The following TRIM3 variants were observed in gnomAD, a reference collection of about 807,000 sequenced individuals.
TRIM3 encodes the protein tripartite motif-containing protein 3.
In TRIM3, 13 loss-of-function variants were observed where a neutral mutation model predicts 66.6. The observed-to-expected ratio is 0.20, with a 90% CI of 0.13 to 0.31. TRIM3 has a LOEUF of 0.31. Ranked by LOEUF, TRIM3 falls within the 10% of genes least tolerant of loss-of-function variation. The probability of loss-of-function intolerance (pLI) is 1.00; values close to 1 mark genes in which losing one functional copy is unlikely to be tolerated. For missense variants in TRIM3, 711 were observed against 1,020.4 expected (o/e 0.70, Z 4.13); for synonymous variants, 406 against 411.7 (o/e 0.99, Z 0.17).
intron 1 of TRIM3, 36 bp from the exon 2 acceptor site, chr11:6,465,768 A>G: frequency 3.8e-6 from 6 of 1,581,136 alleles, no homozygotes; most frequent in Non-Finnish European, 5.2e-6. Context: ...GGGAGTCCAG[A>G]ACTTCTTCTC....
At position 6,467,544 on chromosome 11, in the gene TRIM3, T is replaced by C. The variant is rs1343652793; in HGVS notation, c.-37-1812A>G. Among the ~76,000 whole-genome samples, 4 of 152,162 alleles carry C rather than the reference T, an allele frequency of 2.6e-5. No homozygotes were observed. The East Asian group carries it at 5.8e-4, about 22-fold the overall frequency. Reference sequence around the variant, plus strand: ...ACTTTCAGAGGCCAAAGCAGGAAGATCGTTTGAGCCCAGGAATTGGAGATC... The same window carrying C: ...ACTTTCAGAGGCCAAAGCAGGAAGACCGTTTGAGCCCAGGAATTGGAGATC... On this transcript the variant is annotated intron_variant, in intron 1 of 11. Transcript: ENST00000345851.
At position 6,456,501 on chromosome 11, in the gene TRIM3, C is replaced by G; in HGVS notation, c.1225G>C (p.Val409Leu). The change falls in exon 6 of 12, where the codon GTG becomes CTG. Residue 409 changes from valine to leucine, a missense_variant. Physicochemically the swap from Val to Leu is conservative, Grantham distance 32. This residue lies in a region of TRIM3 where 399 missense variants were observed against 458.1 expected (regional missense o/e 0.87). Coordinates refer to ENST00000345851, the MANE Select transcript of TRIM3 (RefSeq NM_033278.4). This position sits in a 1 kb window ranked among gnomAD's most constrained non-coding sequence, Gnocchi z 6.4. ...CGCACGCGGAAGGGGCTGCCGCGCA[C>G]TGGCTGTCCGTAGAGCAGCACCGAG... Reference protein sequence around the residue: ...LLSVLLYGQPVRGSPFRVRAL... With the variant: ...LLSVLLYGQPLRGSPFRVRAL... The G allele has an allele frequency of 6.3e-7, 1 of 1,576,474 alleles. No homozygotes were observed. Among genetic ancestry groups the G allele is most frequent in the Non-Finnish European group, 8.7e-7 (1 of 1,155,414 alleles).
intron 7 of TRIM3, 91 bp from the exon 8 acceptor site, chr11:6,451,529 C>G: frequency 7.3e-7 from 1 of 1,372,120 alleles, no homozygotes; most frequent in Admixed American, 2.1e-5. Context: ...GGAGGAGACC[C>G]CCCCACCACC....
At chr11:6,470,153 A>G (rs1850624097) in intron 1 of TRIM3, among the ~76,000 whole-genome samples, 1 of 152,212 alleles carries the variant, frequency 6.6e-6, no homozygotes, top group Admixed American at 6.5e-5. Flanking sequence ...TTTGGCTGCT[A>G]TGTGGAAAAT....
intron 7 of TRIM3, chr11:6,451,696 T>C (rs1043473662): frequency 1.5e-5 from 7 of 478,304 alleles, no homozygotes; most frequent in African/African-American, 3.9e-5. Context: ...TCTGAACAAA[T>C]AGCCTAATGA....
In TRIM3 at chr11:6,462,972, T is replaced by C. The variant is rs546155317; in HGVS notation, c.131+2593A>G. ...CTGGAATCCCAGAACTTTGGGAGGC[T>C]GAGGCGGGCAGATCACAAGGTCAGG... On this transcript the variant is annotated intron_variant, in intron 2 of 11. Transcript: ENST00000345851. Among the ~76,000 whole-genome samples, 23 of 152,224 alleles carry C rather than the reference T, an allele frequency of 1.5e-4. No homozygotes were observed. In the South Asian group the frequency reaches 3.7e-3, roughly 25 times the overall value.
chr11:6,464,526 T>C (rs940613703), intron 2 of TRIM3, among the ~76,000 whole-genome samples: 1 of 152,250 alleles, frequency 6.6e-6, no homozygotes, highest in Non-Finnish European at 1.5e-5. Flanking sequence ...AATCTGGCTA[T>C]ATGATTATTT....
At chr11:6,466,051 T>C (rs890028547) in intron 1 of TRIM3, among the ~76,000 whole-genome samples, 1 of 152,206 alleles carries the variant, frequency 6.6e-6, no homozygotes, top group African/African-American at 2.4e-5. Context: ...GAGTGTGACA[T>C]AGTGCCTGTT....
chr11:6,459,861 G>T (rs950469438), intron 2 of TRIM3, among the ~76,000 whole-genome samples: 9 of 152,196 alleles, frequency 5.9e-5, no homozygotes, highest in Non-Finnish European at 1.0e-4. Context: ...GTAGCTATAG[G>T]AAAGTTCAGC....
At chr11:6,468,138 T>C (rs1850544408) in intron 1 of TRIM3, among the ~76,000 whole-genome samples, 1 of 152,082 alleles carries the variant, frequency 6.6e-6, no homozygotes, top group Non-Finnish European at 1.5e-5. Context: ...AAATAAATAA[T>C]AAAAGAGAAA....
chr11:6,448,968 C>T lies in TRIM3; in HGVS notation c.*60G>A. 6.3e-7 allele frequency: 1 copy of T among 1,596,458 alleles called. No homozygotes were observed. Among genetic ancestry groups the T allele is most frequent in the Non-Finnish European group, 8.6e-7 (1 of 1,165,868 alleles). ...GGTCTGGCCCACCTCCCAGCCAGACCCTCTTGTCCAATCACCCCAATGTCT... is the reference window on the plus strand; with the variant it reads ...GGTCTGGCCCACCTCCCAGCCAGACTCTCTTGTCCAATCACCCCAATGTCT... On this transcript the variant is annotated 3_prime_UTR_variant, in exon 12 of 12. Coordinates refer to ENST00000345851, the MANE Select transcript of TRIM3 (RefSeq NM_033278.4).
In TRIM3 at chr11:6,450,530, G is replaced by C. The variant is rs545494291; in HGVS notation, c.1941+21C>G. 6.2e-7 allele frequency: 1 copy of C among 1,608,536 alleles called. No individual in the cohort carries two copies. Among genetic ancestry groups the C allele is most frequent in the Admixed American group, 1.7e-5 (1 of 60,024 alleles). ...GAAAGGATGTTGGGACAGTGGTCAC[G>C]GAGGGAGGGAAGACACTGACCTTCA... On this transcript the variant is annotated intron_variant, in intron 10 of 11. Transcript: ENST00000345851. The surrounding 1 kb of genome is among the most constrained non-coding windows in gnomAD (Gnocchi z 4.8).
chr11:6,457,655 C>A lies in TRIM3; in HGVS notation c.515+41G>T. ...CTCCCCGCCCGAGCTAAGACACCAT[C>A]CCTGTGGCCCCACCAGCCCAGGACC... On this transcript the variant is annotated intron_variant, in intron 4 of 11. Transcript: ENST00000345851. This position sits in a 1 kb window ranked among gnomAD's most constrained non-coding sequence, Gnocchi z 4.5. 6.3e-7 allele frequency: 1 copy of A among 1,592,874 alleles called. No individual in the cohort carries two copies. Among genetic ancestry groups the A allele is most frequent in the South Asian group, 1.1e-5 (1 of 89,632 alleles).
At chr11:6,465,873 G>A (rs1589837209) in intron 1 of TRIM3, 141 bp from the exon 2 acceptor site, 1 of 696,654 alleles carries the variant, frequency 1.4e-6, no homozygotes, top group Non-Finnish European at 2.4e-6. Context: ...GGAAGGATCA[G>A]GGTGATGTGA....
At chr11:6,460,948 C>T (rs111832290) in intron 2 of TRIM3, among the ~76,000 whole-genome samples, 38 of 130,860 alleles carry the variant, frequency 2.9e-4, no homozygotes, top group African/African-American at 1.2e-3. Context: ...CTCTGTCACC[C>T]AGGTGTGAGT....
rs1180587359 is a variant in TRIM3, at chr11:6,458,026, C to T, written c.363+39G>A. Reference sequence around the variant, plus strand: ...CCCAATGCCTCTCCTCCTCCTCCCACCCCAAGTCCCGGCCTCACTGGGCCT... The same window carrying T: ...CCCAATGCCTCTCCTCCTCCTCCCATCCCAAGTCCCGGCCTCACTGGGCCT... On this transcript the variant is annotated intron_variant, in intron 3 of 11. Transcript: ENST00000345851. This position sits in a 1 kb window ranked among gnomAD's most constrained non-coding sequence, Gnocchi z 6.2. 6.4e-7 allele frequency: 1 copy of T among 1,568,600 alleles called. No homozygotes were observed. The highest frequency in any genetic ancestry group is 2.2e-5 in the East Asian group (1 of 44,510).
chr11:6,467,526 G>C (rs1235234952), intron 1 of TRIM3, among the ~76,000 whole-genome samples: 1 of 152,222 alleles, frequency 6.6e-6, no homozygotes, highest in African/African-American at 2.4e-5. Context: ...AGCACTTTCA[G>C]AGGCCAAAGC....
chr11:6,448,778 A>G lies in TRIM3; in HGVS notation c.*250T>C. The G allele has an allele frequency of 1.6e-6, 1 of 612,932 alleles. No homozygotes were observed. The highest frequency in any genetic ancestry group is 2.9e-6 in the Non-Finnish European group (1 of 344,328). The allele number at this position is 612,932 out of a possible 1,614,324, so 38.0% of individuals were successfully genotyped here. On this transcript the variant is annotated 3_prime_UTR_variant, in exon 12 of 12. Transcript: ENST00000345851. ...GACTGACAGGGGTGGGGAGGTGTGT[A>G]AGAAGGGTAGGGTGAAGCTCTGCAC...
chr11:6,451,772 A>C, intron 7 of TRIM3: 1 of 300,054 alleles, frequency 3.3e-6, no homozygotes, highest in Non-Finnish European at 6.3e-6. Flanking sequence ...GAGTGAACAG[A>C]TTGTAAAAGG....
Sources: allele counts gnomAD v4.1 joint callset (sites outside exome capture counted in the v4.1 genomes callset), GRCh38; gene constraint gnomAD v4.1.1; regional missense constraint gnomAD v4.1.1; non-coding constraint Gnocchi (gnomAD v3.1); transcripts MANE v1.5; gene names NCBI Gene and HGNC (gene_info 2026-07-23, HGNC 2026-07-21).